RARB: variants seen among roughly 807,000 people sequenced by gnomAD.
RARB encodes the protein retinoic acid receptor beta.
A neutral mutation model predicts 51.9 loss-of-function variants in RARB; 17 were observed. That is an observed-to-expected ratio of 0.33 (90% CI 0.22 to 0.49). The LOEUF (loss-of-function observed/expected upper bound fraction) is 0.49. Among genes scored for constraint, RARB ranks in the 20% least tolerant of loss-of-function variants. RARB has a pLI of 0.99. For missense variants in RARB, 369 were observed against 550.8 expected, an observed-to-expected ratio of 0.67 and a Z score of 3.30; for synonymous variants, 215 against 195.4, an observed-to-expected ratio of 1.10 and a Z score of -0.84.
At chr3:25,127,959 C>T (rs1699888399) in intron 3 of RARB, among the ~76,000 whole-genome samples, 1 of 152,070 alleles carries the variant, frequency 6.6e-6, no homozygotes, top group Non-Finnish European at 1.5e-5. Flanking sequence ...GGATGACCCT[C>T]CTAATGAAGT....
intron 2 of RARB, among the ~76,000 whole-genome samples, chr3:25,034,488 T>C (rs1575128511): frequency 6.6e-6 from 1 of 152,326 alleles, no homozygotes; most frequent in East Asian, 1.9e-4. Context: ...GTATAGACAG[T>C]GATTTCTCTA....
At chr3:25,054,451 G>A (rs551555518) in intron 2 of RARB, among the ~76,000 whole-genome samples, 31 of 152,262 alleles carry the variant, frequency 2.0e-4, no homozygotes, top group African/African-American at 6.5e-4. Context: ...GGGGAGGTCC[G>A]CAGGAGAGCT....
At chr3:24,991,446 A>C (rs1298805644) in intron 2 of RARB, among the ~76,000 whole-genome samples, 1 of 151,478 alleles carries the variant, frequency 6.6e-6, no homozygotes, top group Non-Finnish European at 1.5e-5. Context: ...TCTGTCTCAA[A>C]AAAAAAAGAA....
At chr3:25,027,198 G>A (rs559279264) in intron 2 of RARB, among the ~76,000 whole-genome samples, 1 of 147,520 alleles carries the variant, frequency 6.8e-6, no homozygotes, top group South Asian at 2.2e-4. Flanking sequence ...CAGGATATGG[G>A]AGAAAATAAA....
intron 1 of RARB, among the ~76,000 whole-genome samples, chr3:24,856,383 T>C (rs2125338931): frequency 6.6e-6 from 1 of 152,308 alleles, no homozygotes. Flanking sequence ...CCTGACCCAC[T>C]GCATGATAAA....
At chr3:25,365,532 A>G (rs1706092255) in intron 5 of RARB, among the ~76,000 whole-genome samples, 1 of 152,130 alleles carries the variant, frequency 6.6e-6, no homozygotes, top group Non-Finnish European at 1.5e-5. Flanking sequence ...TTCTGCTCAC[A>G]GAGTCTCTGA....
intron 5 of RARB, among the ~76,000 whole-genome samples, chr3:25,309,371 C>T (rs1364969309): frequency 6.6e-6 from 1 of 151,024 alleles, no homozygotes; most frequent in African/African-American, 2.4e-5. Flanking sequence ...GATCTCCTGA[C>T]CTCGTGATCC....
At position 25,007,600 on chromosome 3, in the gene RARB, A is replaced by AAAAAAAAAAAAAACAAAAC. The variant is rs1342393781; in HGVS notation, c.-379-52521_-379-52520insAAAAAAAAACAAAACAAAA. Reference sequence around the variant, plus strand: ...ACAGAGTGAGACTGTCTCAAAAAAAAAAAACAAAAAAACCTCATATTTTCT... The same window carrying AAAAAAAAAAAAAACAAAAC: ...ACAGAGTGAGACTGTCTCAAAAAAAAAAAAAAAAAAAAACAAAACAAAACAAAAAAACCTCATATTTTCT... On this transcript the variant is annotated intron_variant, in intron 2 of 11. Coordinates refer to the RARB transcript ENST00000383772. 7.0e-4 allele frequency among the ~76,000 whole-genome samples: 101 copies of AAAAAAAAAAAAAACAAAAC among 143,342 alleles called. 2 individuals carry two copies. The highest frequency in any genetic ancestry group is 2.6e-3 in the African/African-American group (94 of 36,484). 94.0% of individuals were successfully genotyped at this position (143,342 alleles called of 152,430 possible). A position where few individuals can be genotyped will look rare whatever the true frequency, so the allele number is the denominator to read the frequency against.
intron 5 of RARB, among the ~76,000 whole-genome samples, chr3:25,369,877 G>C (rs367956879): frequency 6.6e-6 from 1 of 151,998 alleles, no homozygotes; most frequent in East Asian, 1.9e-4. Flanking sequence ...AGCCAAGATC[G>C]TGCCATTGCA....
chr3:25,573,527 C>T (rs1700795961), intron 4 of RARB, among the ~76,000 whole-genome samples: 1 of 152,222 alleles, frequency 6.6e-6, no homozygotes, highest in Admixed American at 6.5e-5. Flanking sequence ...GAGCCAGTCT[C>T]GCAGCTGACC....
chr3:25,569,995 C>T (rs1022440319), intron 4 of RARB, 77 bp downstream of exon 4: 2 of 1,319,402 alleles, frequency 1.5e-6, no homozygotes, highest in East Asian at 4.9e-5. Context: ...CACACACACA[C>T]ACACACACAC....
rs549224085 is a variant in RARB at position 25,308,448 on chromosome 3, C to CTTTTT, written c.178+133887_178+133891dup. The stretch of plus-strand genomic sequence containing the variant: ...TCTCCCTGACTGGTTTTCTTTCTTT[C>CTTTTT]TTTTTTTTTTTTTTTTTTGAGACAG... On this transcript the variant is annotated intron_variant, in intron 5 of 11. Coordinates refer to the RARB transcript ENST00000383772. Among the ~76,000 whole-genome samples the CTTTTT allele has an allele frequency of 1.4e-3, 178 of 130,696 alleles. 1 individual carries two copies. Among genetic ancestry groups the CTTTTT allele is most frequent in the African/African-American group, 4.3e-3 (150 of 34,842 alleles). 85.7% of individuals were successfully genotyped at this position (130,696 alleles called of 152,430 possible).
intron 3 of RARB, among the ~76,000 whole-genome samples, chr3:25,079,441 T>G (rs187722517): frequency 6.6e-6 from 1 of 152,284 alleles, no homozygotes; most frequent in Admixed American, 6.5e-5. Context: ...TCATGTCCCT[T>G]CCTCCAATCT....
At chr3:25,073,002 G>A (rs1575147181) in intron 3 of RARB, among the ~76,000 whole-genome samples, 1 of 151,950 alleles carries the variant, frequency 6.6e-6, no homozygotes, top group Non-Finnish European at 1.5e-5. Flanking sequence ...CCGGCCGGAG[G>A]GTTTCATTTT....
chr3:24,932,299 C>T (rs1414428187), intron 2 of RARB, among the ~76,000 whole-genome samples: 1 of 151,958 alleles, frequency 6.6e-6, no homozygotes, highest in Non-Finnish European at 1.5e-5. Context: ...CCAGGCCCCT[C>T]TCCTGCTTTA....
intron 2 of RARB, among the ~76,000 whole-genome samples, chr3:24,987,915 A>G (rs1213228196): frequency 6.6e-6 from 1 of 152,220 alleles, no homozygotes; most frequent in Non-Finnish European, 1.5e-5. Flanking sequence ...ACAAGAAAAC[A>G]TAAATCTTGG....
At chr3:25,501,075 A>G (rs1355897474) in intron 2 of RARB, 107 bp from the exon 3 acceptor site, 11 of 1,301,264 alleles carry the variant, frequency 8.5e-6, no homozygotes, top group Non-Finnish European at 1.0e-5. Flanking sequence ...TGCTGCCATC[A>G]CTTCGTTACT....
intron 2 of RARB, among the ~76,000 whole-genome samples, chr3:24,970,468 A>C (rs979674287): frequency 4.6e-5 from 7 of 151,886 alleles, no homozygotes; most frequent in Non-Finnish European, 1.0e-4. Context: ...ATATTTGAAG[A>C]CTAGATACTG....
chr3:25,307,432 A>G (rs1454237497), intron 5 of RARB, among the ~76,000 whole-genome samples: 2 of 152,086 alleles, frequency 1.3e-5, no homozygotes, highest in Admixed American at 6.6e-5. Context: ...TTCTTGGCAT[A>G]GTCTTGATGT....
Sources: gnomAD v4.1 joint callset for allele counts (sites outside exome capture counted in the v4.1 genomes callset) on GRCh38, gnomAD v4.1.1 for gene constraint, MANE v1.5 for transcripts, NCBI Gene and HGNC (gene_info 2026-07-23, HGNC 2026-07-21) for gene names.